Variants in GPHN observed in about 807,000 individuals in gnomAD.
The protein encoded by GPHN is gephyrin.
Under a neutral mutation model 95.5 loss-of-function variants are expected in GPHN, and 17 were observed. That is an observed-to-expected ratio of 0.18 (90% CI 0.12 to 0.27). GPHN has a LOEUF of 0.27. Ranked by LOEUF, GPHN falls within the 10% of genes least tolerant of loss-of-function variation. GPHN has a pLI of 1.00. For missense variants in GPHN, 660 were observed against 978.1 expected (o/e 0.67, Z 4.34); for synonymous variants, 320 against 322.5 (o/e 0.99, Z 0.08).
chr14:67,156,801 A>G (rs1231530898), intron 18 of GPHN, among the ~76,000 whole-genome samples: 2 of 151,922 alleles, frequency 1.3e-5, no homozygotes, highest in Non-Finnish European at 2.9e-5. Flanking sequence ...ACGTAATGAA[A>G]CCTCGTCTCT....
chr14:66,709,139 T>C (rs1209427689), intron 2 of GPHN, among the ~76,000 whole-genome samples: 4 of 152,208 alleles, frequency 2.6e-5, no homozygotes, highest in Admixed American at 6.5e-5. Flanking sequence ...AATGCCTCTT[T>C]CTGATGACCA....
chr14:66,705,841 G>C lies in GPHN; in HGVS notation c.143+24656G>C, dbSNP rs528058885. Among the ~76,000 whole-genome samples, 30 of 152,216 alleles carry C rather than the reference G, an allele frequency of 2.0e-4. No individual in the cohort carries two copies. The South Asian group carries it at 4.8e-3, about 24-fold the overall frequency. ...GGCAATCAGGCAAGAGAAAAATAAA[G>C]TGTATTCACATAGGAAGAGAGGAAG... is the stretch of plus-strand genomic sequence containing the variant. On this transcript the variant is annotated intron_variant, in intron 2 of 22. Transcript: ENST00000478722.
the GPHN span, among the ~76,000 whole-genome samples, chr14:67,268,110 T>C: frequency 6.6e-6 from 1 of 152,306 alleles, no homozygotes; most frequent in Non-Finnish European, 1.5e-5. Flanking sequence ...AATGTCTCAG[T>C]CATATGGAAA....
At chr14:67,004,127 A>G (rs981728475) in intron 9 of GPHN, among the ~76,000 whole-genome samples, 3 of 151,782 alleles carry the variant, frequency 2.0e-5, no homozygotes, top group African/African-American at 7.2e-5. Context: ...AGAATTTTTC[A>G]GGTACAGTAT....
intron 8 of GPHN, among the ~76,000 whole-genome samples, chr14:66,946,305 C>T (rs2067745030): frequency 6.6e-6 from 1 of 152,128 alleles, no homozygotes; most frequent in Non-Finnish European, 1.5e-5. Context: ...AGAATCTCTG[C>T]TATCTAGGCA....
intron 17 of GPHN, among the ~76,000 whole-genome samples, chr14:67,136,679 G>A (rs1009056622): frequency 6.6e-6 from 1 of 152,142 alleles, no homozygotes; most frequent in Admixed American, 6.5e-5. Context: ...TAGCAGTAGA[G>A]ATAAAACAGG....
chr14:67,225,264 AG>A, the GPHN span: 12 of 1,500,406 alleles, frequency 8.0e-6, no homozygotes, highest in East Asian at 2.8e-4. Context: ...GACAAACTAA[AG>A]GTAACTTTTT....
At chr14:67,347,881 A>G in the GPHN span, among the ~76,000 whole-genome samples, 2 of 150,952 alleles carry the variant, frequency 1.3e-5, no homozygotes, top group African/African-American at 4.9e-5. Flanking sequence ...TGGAATTGTA[A>G]TTGGTTTCAA....
At chr14:66,774,844 T>A (rs1028156653) in intron 2 of GPHN, among the ~76,000 whole-genome samples, 3 of 152,216 alleles carry the variant, frequency 2.0e-5, no homozygotes. Context: ...ATAGCTACAT[T>A]TGGAAATGAT....
At chr14:67,048,780 G>C (rs1364965627) in intron 10 of GPHN, among the ~76,000 whole-genome samples, 1 of 152,170 alleles carries the variant, frequency 6.6e-6, no homozygotes, top group Non-Finnish European at 1.5e-5. Context: ...TCTCTTGAAT[G>C]CTATGATCTT....
the GPHN span, among the ~76,000 whole-genome samples, chr14:67,425,833 G>T: frequency 6.6e-6 from 1 of 151,922 alleles, no homozygotes; most frequent in Non-Finnish European, 1.5e-5. Context: ...TGTCTCTGCT[G>T]ATCTGATAGT....
chr14:67,650,779 G>A, the GPHN span: 2,996 of 1,614,122 alleles, frequency 1.9e-3, 7 homozygotes, highest in Middle Eastern at 6.6e-3. Context: ...AGGAAGAGGC[G>A]AAGACTACAG....
the GPHN span, chr14:67,303,912 C>T: frequency 1.2e-5 from 3 of 246,454 alleles, no homozygotes; most frequent in Middle Eastern, 1.5e-3. Context: ...GGATTCCAGG[C>T]GCATGCCACC....
chr14:66,925,838 A>C (rs1263575857), intron 8 of GPHN, among the ~76,000 whole-genome samples: 1 of 152,244 alleles, frequency 6.6e-6, no homozygotes, highest in East Asian at 1.9e-4. Context: ...TATTCTGCAT[A>C]GTGGCTATGC....
At chr14:67,405,622 G>A in the GPHN span, among the ~76,000 whole-genome samples, 1 of 152,116 alleles carries the variant, frequency 6.6e-6, no homozygotes, top group Non-Finnish European at 1.5e-5. Flanking sequence ...GCAGAGTGAT[G>A]GTATCCCAAT....
rs553015650 is a variant in GPHN, at chr14:67,000,284, GGA to G, written c.964-23343_964-23342del. On this transcript the variant is annotated intron_variant, in intron 9 of 22. Transcript: ENST00000478722. Reference sequence around the variant, plus strand: ...AAGTCTACATATTCAAGAAAAGAAGGGAGAGAGGAAAAAAGGAAGAGAAGAAA... The same window carrying G: ...AAGTCTACATATTCAAGAAAAGAAGGGAGAGGAAAAAAGGAAGAGAAGAAA... 1.1e-4 allele frequency among the ~76,000 whole-genome samples: 17 copies of G among 151,526 alleles called. No homozygotes were observed. In the South Asian group the frequency reaches 3.1e-3, roughly 28 times the overall value.
intron 17 of GPHN, among the ~76,000 whole-genome samples, chr14:67,142,792 A>AT (rs369058052): frequency 1.2e-4 from 19 of 152,240 alleles, no homozygotes; most frequent in African/African-American, 4.1e-4. Flanking sequence ...TAAGCAGGCC[A>AT]TTTTCCACAG....
chr14:67,069,185 A>G (rs1182497240), intron 11 of GPHN, among the ~76,000 whole-genome samples: 1 of 152,230 alleles, frequency 6.6e-6, no homozygotes, highest in Non-Finnish European at 1.5e-5. Flanking sequence ...GGGTTATTGT[A>G]GGATACTATT....
chr14:67,447,999 G>C, the GPHN span: 2 of 152,164 alleles, frequency 1.3e-5, no homozygotes, highest in South Asian at 4.2e-4. Context: ...TCACCACTTG[G>C]GGGAGAGCTT....
Sources: gnomAD v4.1 joint callset for allele counts (sites outside exome capture counted in the v4.1 genomes callset) on GRCh38, gnomAD v4.1.1 for gene constraint, MANE v1.5 for transcripts, NCBI Gene and HGNC (gene_info 2026-07-23, HGNC 2026-07-21) for gene names.